Variants in EMID1 observed in about 807,000 individuals in gnomAD.
The protein encoded by EMID1 is EMI domain containing 1, also known as EMI domain-containing protein 1.
In EMID1, 40 loss-of-function variants were observed where a neutral mutation model predicts 60.6. The observed-to-expected ratio is 0.66, with a 90% CI of 0.51 to 0.86. The LOEUF is 0.86. Among genes scored for constraint, EMID1 ranks in the 40% least tolerant of loss-of-function variants. The probability of loss-of-function intolerance (pLI) is 0.00; values close to 1 mark genes in which losing one functional copy is unlikely to be tolerated. For missense variants in EMID1, 585 were observed against 597.1 expected (o/e 0.98, Z 0.21); for synonymous variants, 242 against 231.0 (o/e 1.05, Z -0.43).
At chr22:29,223,291 A>T (rs2146216491) in intron 3 of EMID1, among the ~76,000 whole-genome samples, 1 of 152,364 alleles carries the variant, frequency 6.6e-6, no homozygotes, top group South Asian at 2.1e-4. Context: ...ATGGGAAAAA[A>T]AAGAAAACAA....
chr22:29,234,182 G>A lies in EMID1; in HGVS notation c.1012G>A (p.Gly338Arg), dbSNP rs1441292029. Reference sequence around the variant, plus strand: ...ACCCAAAGGAATCTCTGGCCACCCAGGAGAGAAGGGCGAGAGAGTGAGTAC... The same window carrying A: ...ACCCAAAGGAATCTCTGGCCACCCAAGAGAGAAGGGCGAGAGAGTGAGTAC... ...TGPKGISGHP[G>R]EKGERGLRGE... The change falls in exon 11 of 15, where the codon GGA (glycine) becomes AGA (arginine). Residue 338 changes from glycine (G) to arginine (R), a missense_variant. Gly to Arg is a moderately radical substitution (Grantham distance 125). Transcript: ENST00000334018. 6.2e-7 allele frequency: 1 copy of A among 1,604,284 alleles called. No homozygotes were observed. Among genetic ancestry groups the A allele is most frequent in the Admixed American group, 1.7e-5 (1 of 58,616 alleles).
rs140040738 is a variant in EMID1, at chr22:29,234,226, G to A, written c.1029+27G>A. 114 of 1,608,590 alleles carry A rather than the reference G, an allele frequency of 7.1e-5. No individual in the cohort carries two copies. The African/African-American group carries it at 1.5e-3, about 21-fold the overall frequency. On this transcript the variant is annotated intron_variant, in intron 11 of 14. Coordinates refer to ENST00000334018, the MANE Select transcript of EMID1 (RefSeq NM_133455.4). ...TGAGTACCCAGGTGGCCCCAGGTGG[G>A]GGAATTCTGGGGAGTCCTGAGGGCC...
chr22:29,215,124 G>T, intron 2 of EMID1, 85 bp downstream of exon 2: 1 of 1,452,558 alleles, frequency 6.9e-7, no homozygotes, highest in Non-Finnish European at 9.2e-7. Context: ...TGCATGGGGA[G>T]TGTGGGGGAA....
At chr22:29,230,554 ACT>A (rs911806459) in intron 5 of EMID1, among the ~76,000 whole-genome samples, 2 of 152,190 alleles carry the variant, frequency 1.3e-5, no homozygotes, top group Non-Finnish European at 2.9e-5. Flanking sequence ...TTTGAAAAAC[ACT>A]GTCACTTCTG....
At chr22:29,214,045 TATA>T (rs2039990591) in intron 1 of EMID1, among the ~76,000 whole-genome samples, 1 of 152,232 alleles carries the variant, frequency 6.6e-6, no homozygotes, top group Admixed American at 6.5e-5. Flanking sequence ...ACCTTTAGCA[TATA>T]ATAAGTGCTC....
At chr22:29,231,513 A>T in intron 6 of EMID1, 80 bp from the exon 7 acceptor site, 3 of 1,425,984 alleles carry the variant, frequency 2.1e-6, no homozygotes, top group Non-Finnish European at 2.9e-6. Flanking sequence ...GAAATGGTAG[A>T]TGCTGGTTGG....
chr22:29,211,667 T>C (rs2146115246), intron 1 of EMID1, among the ~76,000 whole-genome samples: 1 of 152,378 alleles, frequency 6.6e-6, no homozygotes, highest in African/African-American at 2.4e-5. Flanking sequence ...CATTTGCGTG[T>C]GCAGGCACTG....
intron 7 of EMID1, chr22:29,231,974 G>A: frequency 3.4e-6 from 2 of 586,718 alleles, no homozygotes; most frequent in Non-Finnish European, 6.0e-6. Context: ...TGGGAGCAGG[G>A]CTGGGCAGAG....
At chr22:29,250,260 A>G (rs2041477659) in intron 13 of EMID1, among the ~76,000 whole-genome samples, 1 of 152,160 alleles carries the variant, frequency 6.6e-6, no homozygotes, top group African/African-American at 2.4e-5. Flanking sequence ...TGTCTCAATC[A>G]ATCAATCAAT....
rs375019136 is a variant in EMID1, at chr22:29,237,041, G to A, written c.1074+2692G>A. ...TGAACTTCTAACTTTGTGATCTACC[G>A]GCCTTGGCCTCCCAAAGTGCTGGAA... is the stretch of plus-strand genomic sequence containing the variant. On this transcript the variant is annotated intron_variant, in intron 12 of 14. Transcript: ENST00000334018. Among the ~76,000 whole-genome samples, 34 of 151,872 alleles carry A rather than the reference G, an allele frequency of 2.2e-4. No individual in the cohort carries two copies. The South Asian group carries it at 6.2e-3, about 28-fold the overall frequency.
At chr22:29,222,900 G>A (rs929482717) in intron 3 of EMID1, among the ~76,000 whole-genome samples, 3 of 152,114 alleles carry the variant, frequency 2.0e-5, no homozygotes, top group Admixed American at 2.0e-4. Flanking sequence ...GACCATCCTG[G>A]CTAATACGGT....
At chr22:29,254,956 G>A (rs1377026792) in intron 14 of EMID1, among the ~76,000 whole-genome samples, 2 of 152,172 alleles carry the variant, frequency 1.3e-5, no homozygotes, top group African/African-American at 4.8e-5. Flanking sequence ...GGTCCCAGGT[G>A]TCCCCTTTGC....
intron 7 of EMID1, 67 bp from the exon 8 acceptor site, chr22:29,232,189 T>A: frequency 6.3e-7 from 1 of 1,597,180 alleles, no homozygotes; most frequent in Non-Finnish European, 8.6e-7. Context: ...CCTTGTCCTG[T>A]CGCTCAAGGC....
intron 8 of EMID1, 83 bp from the exon 9 acceptor site, chr22:29,233,296 A>G: frequency 6.7e-7 from 1 of 1,487,232 alleles, no homozygotes; most frequent in East Asian, 2.3e-5. Flanking sequence ...GGGCAGTCCA[A>G]GCTGTCTTGG....
chr22:29,249,527 C>A (rs1289972501), intron 13 of EMID1, among the ~76,000 whole-genome samples: 1 of 151,930 alleles, frequency 6.6e-6, no homozygotes, highest in Non-Finnish European at 1.5e-5. Flanking sequence ...GCCATCTCAG[C>A]CTCCCAAAGT....
At chr22:29,244,308 G>T (rs986584935) in intron 13 of EMID1, among the ~76,000 whole-genome samples, 1 of 152,076 alleles carries the variant, frequency 6.6e-6, no homozygotes, top group East Asian at 1.9e-4. Flanking sequence ...CTTCACAATC[G>T]TCCGGGATGC....
chr22:29,245,761 C>T (rs2041309289), intron 13 of EMID1, among the ~76,000 whole-genome samples: 1 of 152,200 alleles, frequency 6.6e-6, no homozygotes, highest in African/African-American at 2.4e-5. Context: ...AGTGACTGTG[C>T]TGGGCCTGCC....
chr22:29,212,418 C>T (rs1229066944), intron 1 of EMID1, among the ~76,000 whole-genome samples: 2 of 151,836 alleles, frequency 1.3e-5, no homozygotes, highest in African/African-American at 4.8e-5. Flanking sequence ...TCTTCACCTA[C>T]TCATTAGGAG....
At chr22:29,257,904 T>C (rs143851200) in intron 14 of EMID1, among the ~76,000 whole-genome samples, 82 of 152,354 alleles carry the variant, frequency 5.4e-4, no homozygotes, top group African/African-American at 1.8e-3. Flanking sequence ...AGGCATGGAA[T>C]GTCCCTTTCA....
Sources: gnomAD v4.1 joint callset for allele counts (sites outside exome capture counted in the v4.1 genomes callset) on GRCh38, gnomAD v4.1.1 for gene constraint, MANE v1.5 for transcripts, NCBI Gene and HGNC (gene_info 2026-07-23, HGNC 2026-07-21) for gene names.